Variants in ROR2 observed in about 807,000 individuals in gnomAD.
ROR2 encodes the protein ROR family WNT receptor 2, also known as tyrosine-protein kinase transmembrane receptor ROR2.
A neutral mutation model predicts 74.9 loss-of-function variants in ROR2; 33 were observed. That is an observed-to-expected ratio of 0.44 (90% confidence interval 0.33 to 0.59). The LOEUF (loss-of-function observed/expected upper bound fraction) is 0.59, where lower values mean the gene tolerates loss of function less well. Ranked by LOEUF, ROR2 falls within the 20% of genes least tolerant of loss-of-function variation. ROR2 has a pLI of 0.02. For missense variants in ROR2, 1,216 were observed against 1,313.8 expected (o/e 0.93, Z 1.15); for synonymous variants, 586 against 558.7 (o/e 1.05, Z -0.69).
intron 1 of ROR2, among the ~76,000 whole-genome samples, chr9:91,809,750 G>A (rs1827683392): frequency 6.6e-6 from 1 of 152,240 alleles, no homozygotes; most frequent in Non-Finnish European, 1.5e-5. Context: ...CCTCACCACT[G>A]CATGTTCAGA....
intron 4 of ROR2, among the ~76,000 whole-genome samples, chr9:91,742,376 G>A (rs1477088047): frequency 2.6e-5 from 4 of 152,166 alleles, no homozygotes; most frequent in African/African-American, 9.7e-5. Flanking sequence ...GTTGAGATTT[G>A]GGTGGGGACA....
chr9:91,858,708 T>C (rs74559234), intron 1 of ROR2, among the ~76,000 whole-genome samples: 6,223 of 152,236 alleles, frequency 0.041, 181 homozygotes, highest in East Asian at 0.097. Context: ...TCACAGGCAG[T>C]AATAATAACA....
At chr9:91,771,147 T>C (rs567500952) in intron 2 of ROR2, among the ~76,000 whole-genome samples, 247 of 152,296 alleles carry the variant, frequency 1.6e-3, no homozygotes, top group African/African-American at 5.8e-3. Context: ...CACAACCTCA[T>C]ATGGGCAAAG....
intron 1 of ROR2, among the ~76,000 whole-genome samples, chr9:91,797,833 GAC>G (rs1206470944): frequency 5.4e-5 from 1 of 18,568 alleles, no homozygotes; most frequent in Non-Finnish European, 9.0e-5. Flanking sequence ...GGTGGGGAAT[GAC>G]ACACTGGGCT....
chr9:91,866,852 G>A (rs1371638606), intron 1 of ROR2, among the ~76,000 whole-genome samples: 2 of 151,984 alleles, frequency 1.3e-5, no homozygotes, highest in African/African-American at 2.4e-5. Context: ...AACTGACAAC[G>A]GAATCTAGTA....
At chr9:91,844,507 T>C (rs1828868410) in intron 1 of ROR2, among the ~76,000 whole-genome samples, 1 of 152,234 alleles carries the variant, frequency 6.6e-6, no homozygotes, top group Non-Finnish European at 1.5e-5. Flanking sequence ...TCTCTGTGTC[T>C]GAAGAGAACA....
At chr9:91,737,732 T>C (rs1201728025) in intron 4 of ROR2, among the ~76,000 whole-genome samples, 3 of 152,154 alleles carry the variant, frequency 2.0e-5, no homozygotes, top group African/African-American at 7.2e-5. Context: ...TTGGAAGCAA[T>C]AAGATGTCTT....
chr9:91,724,443 T>G lies in ROR2; in HGVS notation c.2051A>C (p.Glu684Ala), dbSNP rs1472311000. 6.2e-7 allele frequency: 1 copy of G among 1,614,094 alleles called. No homozygotes were observed. The highest frequency in any genetic ancestry group is 2.2e-5 in the East Asian group (1 of 44,854). ...GGGCTGCAGGCCGTAGCTGAAGACCTCCCACAGGACCACACCGTAGGACCA... is the reference window on the plus strand; with the variant it reads ...GGGCTGCAGGCCGTAGCTGAAGACCGCCCACAGGACCACACCGTAGGACCA... ...DIWSYGVVLWEVFSYGLQPYC... is the reference protein window; with the variant it reads ...DIWSYGVVLWAVFSYGLQPYC... The change falls in exon 9 of 9, where the codon GAG becomes GCG. Residue 684 changes from glutamate (E) to alanine (A), a missense_variant. Physicochemically the swap from Glu to Ala is moderately radical, Grantham distance 107 (BLOSUM62 -1). Transcript: ENST00000375708.
At chr9:91,820,175 T>C (rs62563412) in intron 1 of ROR2, among the ~76,000 whole-genome samples, 56,856 of 152,084 alleles carry the variant, frequency 0.37, 11,642 homozygotes, top group African/African-American at 0.55. Context: ...CATGTTTGTT[T>C]TGGTTTTTAA....
chr9:91,782,399 G>GAA (rs374903666), intron 1 of ROR2, among the ~76,000 whole-genome samples: 5 of 144,704 alleles, frequency 3.5e-5, no homozygotes, highest in Admixed American at 6.9e-5. Context: ...ATGTAAAAAA[G>GAA]AAAAAAAAAA....
At chr9:91,825,353 A>T (rs906006425) in intron 1 of ROR2, among the ~76,000 whole-genome samples, 4 of 152,144 alleles carry the variant, frequency 2.6e-5, no homozygotes, top group African/African-American at 9.7e-5. Context: ...ACCTGGGGCG[A>T]AGGTGTCAAA....
intron 1 of ROR2, among the ~76,000 whole-genome samples, chr9:91,834,466 C>T (rs1224105382): frequency 6.6e-6 from 1 of 152,196 alleles, no homozygotes; most frequent in African/African-American, 2.4e-5. Context: ...ATGAATTTTC[C>T]TTTATTTAAC....
At chr9:91,806,248 A>AC (rs1230359005) in intron 1 of ROR2, among the ~76,000 whole-genome samples, 2 of 152,204 alleles carry the variant, frequency 1.3e-5, no homozygotes, top group Admixed American at 6.5e-5. Context: ...GGAAAGCCCA[A>AC]CATCAAGGCA....
intron 1 of ROR2, among the ~76,000 whole-genome samples, chr9:91,896,967 C>A (rs1830552239): frequency 6.6e-6 from 1 of 152,190 alleles, no homozygotes; most frequent in African/African-American, 2.4e-5. Flanking sequence ...TGCCCGGTAA[C>A]ACAGCTCATT....
chr9:91,945,273 C>T (rs1263593467), intron 1 of ROR2, among the ~76,000 whole-genome samples: 57 of 152,196 alleles, frequency 3.7e-4, no homozygotes, highest in Non-Finnish European at 1.5e-5. Flanking sequence ...CTGTGTGTGC[C>T]TGGTGGCTAC....
In ROR2 at chr9:91,808,813, T is replaced by TTACTAAAAATATAAAAAATATA. The variant is rs529576649; in HGVS notation, c.98-33017_98-32996dup. The stretch of plus-strand genomic sequence containing the variant: ...ATATAAAAAATATACATATTTTTTT[T>TTACTAAAAATATAAAAAATATA]TACTAAAAATATAAAAAATATATAC... On this transcript the variant is annotated intron_variant, in intron 1 of 8. Transcript: ENST00000375708. Among the ~76,000 whole-genome samples the TTACTAAAAATATAAAAAATATA allele has an allele frequency of 1.1e-3, 165 of 151,336 alleles. 1 individual carries two copies. In the East Asian group the frequency reaches 0.028, roughly 26 times the overall value.
chr9:91,794,842 C>T (rs932512817), intron 1 of ROR2, among the ~76,000 whole-genome samples: 2 of 152,110 alleles, frequency 1.3e-5, no homozygotes, highest in Non-Finnish European at 2.9e-5. Flanking sequence ...GTATTATAGG[C>T]CAGGCGCAGT....
At chr9:91,943,119 T>C (rs1470235711) in intron 1 of ROR2, among the ~76,000 whole-genome samples, 4 of 152,310 alleles carry the variant, frequency 2.6e-5, no homozygotes, top group Non-Finnish European at 4.4e-5. Context: ...AGTTGGCCCC[T>C]GAGTACATCT....
chr9:91,897,635 G>A (rs1206703129), intron 1 of ROR2, among the ~76,000 whole-genome samples: 1 of 152,170 alleles, frequency 6.6e-6, no homozygotes, highest in Non-Finnish European at 1.5e-5. Flanking sequence ...GATGTGGGGT[G>A]AGCTTGTGGA....
Sources: gnomAD v4.1 joint callset for allele counts (sites outside exome capture counted in the v4.1 genomes callset) on GRCh38, gnomAD v4.1.1 for gene constraint, MANE v1.5 for transcripts, NCBI Gene and HGNC (gene_info 2026-07-23, HGNC 2026-07-21) for gene names.